The following SORCS3 variants were observed in gnomAD, a reference collection of about 807,000 sequenced individuals.
SORCS3 encodes VPS10 domain-containing receptor SorCS3.
In SORCS3, 57 loss-of-function variants were observed where a neutral mutation model predicts 146.3. That is an observed-to-expected ratio of 0.39 (90% CI 0.31 to 0.49). The LOEUF (loss-of-function observed/expected upper bound fraction) is 0.49, where lower values mean the gene tolerates loss of function less well. Among genes scored for constraint, SORCS3 ranks in the 20% least tolerant of loss-of-function variants. The pLI is 0.92. For synonymous variants in SORCS3, 653 were observed against 618.5 expected (o/e 1.06, Z -0.83); for missense variants, 1,341 against 1,575.5 (o/e 0.85, Z 2.52).
At chr10:104,841,066 G>A (rs977500915) in intron 1 of SORCS3, among the ~76,000 whole-genome samples, 1 of 152,204 alleles carries the variant, frequency 6.6e-6, no homozygotes, top group Non-Finnish European at 1.5e-5. Context: ...GTGTGTATGT[G>A]TGTGTGTATA....
chr10:104,791,911 A>G (rs1191083544), intron 1 of SORCS3, among the ~76,000 whole-genome samples: 4 of 152,208 alleles, frequency 2.6e-5, no homozygotes, highest in Non-Finnish European at 5.9e-5. Context: ...AGGATCATCT[A>G]GGGTTCTCTG....
rs1214288942 is a variant in SORCS3 at position 105,092,102 on chromosome 10, G to A, written c.1093+2263G>A. Among the ~76,000 whole-genome samples, 4 of 152,172 alleles carry A rather than the reference G, an allele frequency of 2.6e-5. No homozygotes were observed. The East Asian group carries it at 7.7e-4, about 29-fold the overall frequency. ...TGCTGGACAGCTTCTTTAAAAAAAT[G>A]TAGTTTCTTACATTAAGCTAAAATT... On this transcript the variant is annotated intron_variant, in intron 6 of 26. Transcript: ENST00000369701.
intron 4 of SORCS3, among the ~76,000 whole-genome samples, chr10:105,007,397 C>A (rs1014296615): frequency 2.6e-5 from 4 of 152,126 alleles, no homozygotes; most frequent in African/African-American, 4.8e-5. Flanking sequence ...GTGCACCAAA[C>A]CTTTACATTC....
chr10:104,740,831 G>A (rs994333687), intron 1 of SORCS3, among the ~76,000 whole-genome samples: 1 of 152,004 alleles, frequency 6.6e-6, no homozygotes, highest in Non-Finnish European at 1.5e-5. Flanking sequence ...TTTTCTTCTA[G>A]GATCTTATCT....
chr10:104,763,665 C>G (rs2017146419), intron 1 of SORCS3, among the ~76,000 whole-genome samples: 1 of 152,148 alleles, frequency 6.6e-6, no homozygotes, highest in Non-Finnish European at 1.5e-5. Context: ...ATCTTGTGGC[C>G]AACGCTTCTT....
intron 1 of SORCS3, among the ~76,000 whole-genome samples, chr10:104,779,937 C>T (rs1344344119): frequency 6.6e-6 from 1 of 152,242 alleles, no homozygotes; most frequent in African/African-American, 2.4e-5. Context: ...TTTAAGGAGA[C>T]GTGCACATCA....
intron 2 of SORCS3, among the ~76,000 whole-genome samples, chr10:104,882,918 T>C (rs1193239063): frequency 6.6e-6 from 1 of 152,240 alleles, no homozygotes; most frequent in East Asian, 1.9e-4. Context: ...TCAAAGAGAA[T>C]GCTGCTGATT....
At chr10:105,002,422 A>T (rs911546098) in intron 4 of SORCS3, among the ~76,000 whole-genome samples, 1 of 152,176 alleles carries the variant, frequency 6.6e-6, no homozygotes, top group Non-Finnish European at 1.5e-5. Flanking sequence ...AGGAATAAGG[A>T]TTTATATCCT....
chr10:104,889,122 T>C (rs1403431687), intron 2 of SORCS3, among the ~76,000 whole-genome samples: 1 of 151,864 alleles, frequency 6.6e-6, no homozygotes, highest in Non-Finnish European at 1.5e-5. Flanking sequence ...TAAGCTTTTC[T>C]TTTTTTTATT....
intron 7 of SORCS3, among the ~76,000 whole-genome samples, chr10:105,135,866 C>G (rs954853880): frequency 2.6e-5 from 4 of 152,190 alleles, no homozygotes; most frequent in Non-Finnish European, 5.9e-5. Context: ...GTCTATATTT[C>G]TACAAGTATT....
At chr10:104,924,125 T>C (rs1390407681) in intron 3 of SORCS3, among the ~76,000 whole-genome samples, 1 of 152,208 alleles carries the variant, frequency 6.6e-6, no homozygotes, top group Non-Finnish European at 1.5e-5. Context: ...ATTTAACTCG[T>C]TTCCATTCAT....
At chr10:105,121,014 C>T (rs1463934084) in intron 7 of SORCS3, among the ~76,000 whole-genome samples, 1 of 152,130 alleles carries the variant, frequency 6.6e-6, no homozygotes, top group Non-Finnish European at 1.5e-5. Context: ...AGGGAGCCAG[C>T]CTGTGAGTTC....
intron 4 of SORCS3, among the ~76,000 whole-genome samples, chr10:105,011,718 A>T (rs777487822): frequency 1.8e-4 from 27 of 152,176 alleles, no homozygotes; most frequent in Non-Finnish European, 3.4e-4. Context: ...ATAGTGAGAG[A>T]TGGCCTCCCC....
chr10:105,209,801 A>T (rs1426802266), intron 16 of SORCS3, among the ~76,000 whole-genome samples: 1 of 152,132 alleles, frequency 6.6e-6, no homozygotes, highest in Non-Finnish European at 1.5e-5. Flanking sequence ...TGATGAGAAG[A>T]TAGGTAAGAA....
intron 7 of SORCS3, among the ~76,000 whole-genome samples, chr10:105,124,889 T>C (rs2055962272): frequency 6.6e-6 from 1 of 152,214 alleles, no homozygotes; most frequent in African/African-American, 2.4e-5. Flanking sequence ...GAAAGTCGGC[T>C]GTACCCAAGG....
At chr10:104,706,790 A>G (rs1209513650) in intron 1 of SORCS3, among the ~76,000 whole-genome samples, 2 of 152,206 alleles carry the variant, frequency 1.3e-5, no homozygotes, top group Admixed American at 1.3e-4. Context: ...AAACATGTAT[A>G]TGCACACATA....
chr10:104,900,279 G>C (rs1589542168), intron 2 of SORCS3, among the ~76,000 whole-genome samples: 1 of 152,162 alleles, frequency 6.6e-6, no homozygotes, highest in Non-Finnish European at 1.5e-5. Context: ...GTATCTTTAA[G>C]ATATCTTTAC....
At chr10:104,658,403 G>A (rs1318124204) in intron 1 of SORCS3, among the ~76,000 whole-genome samples, 2 of 152,198 alleles carry the variant, frequency 1.3e-5, no homozygotes, top group African/African-American at 4.8e-5. Context: ...ATTGGTAGGT[G>A]TTTAGGCATG....
At chr10:105,184,727 A>G (rs1279155141) in intron 14 of SORCS3, among the ~76,000 whole-genome samples, 1 of 152,240 alleles carries the variant, frequency 6.6e-6, no homozygotes, top group Non-Finnish European at 1.5e-5. Context: ...GTATATGTAC[A>G]ACCATGACCA....
Sources: allele counts gnomAD v4.1 joint callset (sites outside exome capture counted in the v4.1 genomes callset), GRCh38; gene constraint gnomAD v4.1.1; transcripts MANE v1.5; gene names NCBI Gene and HGNC (gene_info 2026-07-23, HGNC 2026-07-21).